The following ASCC3 variants were observed in gnomAD, a reference collection of about 807,000 sequenced individuals.
ASCC3 encodes ASC-1 complex subunit P200.
A neutral mutation model predicts 256.3 loss-of-function variants in ASCC3; 158 were observed. The ratio of observed to expected loss-of-function variants is 0.62; its 90% CI spans 0.54 to 0.70. ASCC3 has a LOEUF of 0.70. Ranked by LOEUF, ASCC3 falls within the 30% of genes least tolerant of loss-of-function variation. ASCC3 has a pLI of 0.00. For missense variants in ASCC3, 2,259 were observed against 2,626.0 expected (o/e 0.86, Z 3.05); for synonymous variants, 948 against 883.4 (o/e 1.07, Z -1.30).
chr6:100,652,655 T>C, intron 18 of ASCC3, 70 bp downstream of exon 18: 1 of 1,437,672 alleles, frequency 7.0e-7, no homozygotes, highest in Non-Finnish European at 9.6e-7. Flanking sequence ...TTATTTTACA[T>C]TAATAATATA....
At chr6:100,645,025 T>C (rs1775311212) in intron 22 of ASCC3, among the ~76,000 whole-genome samples, 1 of 152,194 alleles carries the variant, frequency 6.6e-6, no homozygotes, top group South Asian at 2.1e-4. Flanking sequence ...AAAGATAATA[T>C]ACTTTCGTCC....
At chr6:100,800,926 T>G (rs1445194705) in intron 5 of ASCC3, among the ~76,000 whole-genome samples, 1 of 151,920 alleles carries the variant, frequency 6.6e-6, no homozygotes, top group Non-Finnish European at 1.5e-5. Flanking sequence ...ATTTTTACTA[T>G]GTAATAGACC....
chr6:100,848,807 A>G, intron 3 of ASCC3, 100 bp from the exon 4 acceptor site: 1 of 1,182,208 alleles, frequency 8.5e-7, no homozygotes, highest in East Asian at 2.5e-5. Flanking sequence ...AGTAAATCTA[A>G]CAGTCAAATC....
chr6:100,555,251 T>TA (rs1213335058), intron 36 of ASCC3, among the ~76,000 whole-genome samples: 5 of 152,202 alleles, frequency 3.3e-5, no homozygotes, highest in Non-Finnish European at 7.4e-5. Context: ...AAAATAACTT[T>TA]ATCATGTAAA....
intron 1 of ASCC3, among the ~76,000 whole-genome samples, chr6:100,871,294 C>T (rs1425271868): frequency 6.6e-6 from 1 of 152,082 alleles, no homozygotes; most frequent in Non-Finnish European, 1.5e-5. Flanking sequence ...TGGGGCTTCC[C>T]CATGTTGGTC....
chr6:100,865,372 T>G (rs1311392968), intron 2 of ASCC3, among the ~76,000 whole-genome samples: 1 of 152,222 alleles, frequency 6.6e-6, no homozygotes. Flanking sequence ...TACACACTTT[T>G]AAATTTTAAA....
intron 36 of ASCC3, among the ~76,000 whole-genome samples, chr6:100,584,660 T>C (rs977097394): frequency 1.3e-5 from 2 of 152,208 alleles, no homozygotes; most frequent in Admixed American, 6.5e-5. Context: ...CATTAGTTTA[T>C]GCAGTTTCTT....
chr6:100,735,360 G>T (rs927202263), intron 10 of ASCC3, among the ~76,000 whole-genome samples: 1 of 152,038 alleles, frequency 6.6e-6, no homozygotes, highest in African/African-American at 2.4e-5. Context: ...CCCTGCATGG[G>T]GTACTTTTAT....
Position 100,805,816 on chromosome 6 carries a change from G to A in ASCC3, c.866C>T (p.Thr289Ile), listed in dbSNP as rs767268319. 1.2e-5 allele frequency: 19 copies of A among 1,611,152 alleles called. No individual in the cohort carries two copies. Among genetic ancestry groups the A allele is most frequent in the Non-Finnish European group, 1.6e-5 (19 of 1,178,528 alleles). ...LIEKLLQNRI[T>I]IVDRFLNSSN... ...AGAATTAAGAAATCTATCCACAATTGTAATTCTGTTCTGGAGGAGTTTCTC... is the reference window on the plus strand; with the variant it reads ...AGAATTAAGAAATCTATCCACAATTATAATTCTGTTCTGGAGGAGTTTCTC... Residue 289 changes from threonine to isoleucine, a missense_variant, in exon 5 of 42, where the codon ACA becomes ATA. This residue lies in a region of ASCC3 where 420 missense variants were observed against 419.3 expected (regional missense o/e 1.00). Transcript: ENST00000369162.
Position 100,696,355 on chromosome 6 carries a change from T to G in ASCC3, c.2152-16603A>C, listed in dbSNP as rs567699652. On this transcript the variant is annotated intron_variant, in intron 13 of 41. Coordinates refer to ENST00000369162, the MANE Select transcript of ASCC3 (RefSeq NM_006828.4). ...CTTTTTTTCACATTGAGAAAATACA[T>G]GGATAATTGTATCAGATTTCGTTGG... Among the ~76,000 whole-genome samples, 3 of 152,284 alleles carry G rather than the reference T, an allele frequency of 2.0e-5. 1 individual carries two copies. The South Asian group carries it at 6.2e-4, about 32-fold the overall frequency.
intron 10 of ASCC3, among the ~76,000 whole-genome samples, chr6:100,758,943 G>A (rs1317730132): frequency 6.6e-6 from 1 of 152,156 alleles, no homozygotes; most frequent in Non-Finnish European, 1.5e-5. Context: ...TCTGACTGAT[G>A]TGAGATGGTC....
chr6:100,585,824 T>C (rs1189307347), intron 36 of ASCC3, among the ~76,000 whole-genome samples: 3 of 152,232 alleles, frequency 2.0e-5, no homozygotes, highest in Non-Finnish European at 4.4e-5. Flanking sequence ...TGCAGGTCTG[T>C]TGGAGTTTGC....
chr6:100,544,609 A>G (rs1038793469), intron 36 of ASCC3, among the ~76,000 whole-genome samples: 5 of 152,156 alleles, frequency 3.3e-5, no homozygotes, highest in Admixed American at 3.3e-4. Flanking sequence ...AAGAAGAAAT[A>G]GAAAACTCAA....
chr6:100,858,069 T>G (rs565713205), intron 3 of ASCC3: 6 of 235,076 alleles, frequency 2.6e-5, no homozygotes, highest in African/African-American at 1.4e-4. Context: ...AAGTCTTGCT[T>G]ATTTTTTGTT....
At chr6:100,647,716 C>G (rs1224810951) in intron 20 of ASCC3, among the ~76,000 whole-genome samples, 2 of 151,892 alleles carry the variant, frequency 1.3e-5, no homozygotes, top group African/African-American at 4.8e-5. Context: ...ACCTTCTAAA[C>G]AGGAATGAAG....
intron 17 of ASCC3, among the ~76,000 whole-genome samples, chr6:100,655,181 G>T (rs1461805063): frequency 6.6e-6 from 1 of 151,896 alleles, no homozygotes; most frequent in East Asian, 1.9e-4. Flanking sequence ...AGGAAGAACT[G>T]CTATCAAATG....
At chr6:100,576,439 TA>T (rs1423729005) in intron 36 of ASCC3, among the ~76,000 whole-genome samples, 4 of 152,046 alleles carry the variant, frequency 2.6e-5, no homozygotes, top group Non-Finnish European at 5.9e-5. Context: ...GTCAATGCTT[TA>T]AAATTTTTTT....
chr6:100,589,461 T>C (rs1035665365), intron 36 of ASCC3, among the ~76,000 whole-genome samples, 173 bp downstream of exon 36: 1 of 152,144 alleles, frequency 6.6e-6, no homozygotes, highest in Non-Finnish European at 1.5e-5. Flanking sequence ...TCATAAATTA[T>C]GTGGTCACCT....
chr6:100,815,508 C>T (rs936428798), intron 4 of ASCC3, among the ~76,000 whole-genome samples: 1 of 152,030 alleles, frequency 6.6e-6, no homozygotes, highest in African/African-American at 2.4e-5. Flanking sequence ...TGTTACCTGA[C>T]TTCAAACTAC....
Sources: gnomAD v4.1 joint callset for allele counts (sites outside exome capture counted in the v4.1 genomes callset) on GRCh38, gnomAD v4.1.1 for gene constraint, gnomAD v4.1.1 regional missense constraint, MANE v1.5 for transcripts, NCBI Gene and HGNC (gene_info 2026-07-23, HGNC 2026-07-21) for gene names.